SLC46A3: variants seen among roughly 807,000 people sequenced by gnomAD.
SLC46A3 encodes the protein solute carrier family 46 member 3.
Under a neutral mutation model 38.5 loss-of-function variants are expected in SLC46A3, and 26 were observed. The ratio of observed to expected loss-of-function variants is 0.68; its 90% CI spans 0.49 to 0.94. The LOEUF is 0.94. Among genes scored for constraint, SLC46A3 ranks in the 40% least tolerant of loss-of-function variants. SLC46A3 has a pLI of 0.00. For missense variants in SLC46A3, 510 were observed against 544.3 expected, an observed-to-expected ratio of 0.94 and a Z score of 0.63; for synonymous variants, 185 against 192.5, an observed-to-expected ratio of 0.96 and a Z score of 0.32.
At position 28,701,058 on chromosome 13, in the gene SLC46A3, G is replaced by A; in HGVS notation, c.*439C>T. The A allele has an allele frequency of 6.7e-7, 1 of 1,496,918 alleles. No individual in the cohort carries two copies. Among genetic ancestry groups the A allele is most frequent in the Non-Finnish European group, 8.9e-7 (1 of 1,121,472 alleles). 92.7% of individuals were successfully genotyped at this position (1,496,918 alleles called of 1,614,324 possible). A position where few individuals can be genotyped will look rare whatever the true frequency, so the allele number is the denominator to read the frequency against. ...AGTGATTCATCATAATTTTCATTAT[G>A]CCTTCAAAATTATCCCTGAGAGAGG... On this transcript the variant is annotated 3_prime_UTR_variant, in exon 6 of 6. Coordinates refer to ENST00000266943, the MANE Select transcript of SLC46A3 (RefSeq NM_181785.4).
Position 28,706,383 on chromosome 13 carries a change from G to A in SLC46A3, c.1145-2284C>T, listed in dbSNP as rs564714547. Among the ~76,000 whole-genome samples the A allele has an allele frequency of 5.9e-5, 9 of 152,218 alleles. No homozygotes were observed. The South Asian group carries it at 1.7e-3, about 28-fold the overall frequency. The stretch of plus-strand genomic sequence containing the variant: ...AATGGCCAATTTAAATAATAATGAA[G>A]GATGCGAATACATTTAGTTATAGAA... On this transcript the variant is annotated intron_variant, in intron 4 of 5. Transcript: ENST00000266943.
At chr13:28,707,574 A>C (rs566669688) in intron 4 of SLC46A3, among the ~76,000 whole-genome samples, 3 of 152,328 alleles carry the variant, frequency 2.0e-5, no homozygotes, top group East Asian at 3.9e-4. Context: ...AATTTTAAAA[A>C]GCCTTTATAA....
chr13:28,700,968 A>C lies in SLC46A3; in HGVS notation c.*529T>G. ...CAGCTTAACAGGCTCTATAAAATAA[A>C]GCATTACCAAGTATAGGTAAAATCA... is the stretch of plus-strand genomic sequence containing the variant. On this transcript the variant is annotated 3_prime_UTR_variant, in exon 6 of 6. Coordinates refer to ENST00000266943, the MANE Select transcript of SLC46A3 (RefSeq NM_181785.4). The C allele has an allele frequency of 2.0e-6, 3 of 1,531,654 alleles. No homozygotes were observed. The highest frequency in any genetic ancestry group is 2.7e-6 in the Non-Finnish European group (3 of 1,130,678). 94.9% of individuals were successfully genotyped at this position (1,531,654 alleles called of 1,614,324 possible).
chr13:28,708,754 C>T (rs1213243466), intron 4 of SLC46A3, among the ~76,000 whole-genome samples: 2 of 151,764 alleles, frequency 1.3e-5, no homozygotes, highest in African/African-American at 4.8e-5. Flanking sequence ...AGCCACTGCG[C>T]CTGGCCTCAC....
rs1311225596 is a variant in SLC46A3 at position 28,700,113 on chromosome 13, G to A, written c.*1384C>T. On this transcript the variant is annotated 3_prime_UTR_variant, in exon 6 of 6. Transcript: ENST00000266943. ...AACAAATATTTATTGAGGATATAAT[G>A]AGTAATCAAAGGTTGTCCCAGTACT... 1 of 152,134 alleles carries A rather than the reference G, an allele frequency of 6.6e-6. No homozygotes were observed. The highest frequency in any genetic ancestry group is 1.5e-5 in the Non-Finnish European group (1 of 68,036). The allele number at this position is 152,134 out of a possible 1,614,324, so 9.4% of individuals were successfully genotyped here.
intron 5 of SLC46A3, 35 bp from the exon 6 acceptor site, chr13:28,701,616 T>C (rs1263757396): frequency 3.8e-6 from 6 of 1,587,292 alleles, no homozygotes; most frequent in South Asian, 1.2e-5. Context: ...AAAGTTGAGA[T>C]TAAGACAATA....
rs1885017307 is a variant in SLC46A3, at chr13:28,701,463, A to G, written c.*34T>C. Reference sequence around the variant, plus strand: ...AGAAGTCATGGTATATGATATGTGCATTCATAGATTTTTTTTGTTTGTTTA... The same window carrying G: ...AGAAGTCATGGTATATGATATGTGCGTTCATAGATTTTTTTTGTTTGTTTA... On this transcript the variant is annotated 3_prime_UTR_variant, in exon 6 of 6. Transcript: ENST00000266943. 6.2e-7 allele frequency: 1 copy of G among 1,606,854 alleles called. No homozygotes were observed. The highest frequency in any genetic ancestry group is 1.3e-5 in the African/African-American group (1 of 74,494).
chr13:28,710,848 G>T lies in SLC46A3; in HGVS notation c.1061-5C>A. The T allele has an allele frequency of 6.2e-7, 1 of 1,609,252 alleles. No individual in the cohort carries two copies. The highest frequency in any genetic ancestry group is 1.7e-5 in the Admixed American group (1 of 59,438). The stretch of plus-strand genomic sequence containing the variant: ...TGAAAAGGAACGGCACCCTGGCTGT[G>T]AGAGAAAGGATTCAAAATCACTGGC... On this transcript the variant is annotated splice_region_variant and splice_polypyrimidine_tract_variant and intron_variant, in intron 3 of 5. Transcript: ENST00000266943.
intron 4 of SLC46A3, among the ~76,000 whole-genome samples, chr13:28,705,304 G>A (rs2137823662): frequency 6.6e-6 from 1 of 152,310 alleles, no homozygotes; most frequent in South Asian, 2.1e-4. Flanking sequence ...TGCTTGGACT[G>A]ATAGGAAGGA....
chr13:28,701,444 C>T lies in SLC46A3; in HGVS notation c.*53G>A, dbSNP rs898255681. 8.8e-6 allele frequency: 14 copies of T among 1,590,794 alleles called. No homozygotes were observed. The highest frequency in any genetic ancestry group is 1.2e-5 in the Non-Finnish European group (14 of 1,172,370). ...GAATTCATTTATAGTCTTCAGAAGT[C>T]ATGGTATATGATATGTGCATTCATA... On this transcript the variant is annotated 3_prime_UTR_variant, in exon 6 of 6. Transcript: ENST00000266943.
At chr13:28,715,844 TA>T (rs554638857) in intron 2 of SLC46A3, among the ~76,000 whole-genome samples, 29 of 151,790 alleles carry the variant, frequency 1.9e-4, no homozygotes, top group Non-Finnish European at 3.2e-4. Context: ...ATCTGTCAAT[TA>T]AAAAAATAAA....
At chr13:28,711,710 A>G (rs1885349302) in intron 3 of SLC46A3, among the ~76,000 whole-genome samples, 1 of 152,232 alleles carries the variant, frequency 6.6e-6, no homozygotes, top group Non-Finnish European at 1.5e-5. Context: ...TACATCATAA[A>G]ATAGTAAAAT....
intron 1 of SLC46A3, 27 bp from the exon 2 acceptor site, chr13:28,718,049 T>TC: frequency 6.4e-7 from 1 of 1,553,736 alleles, no homozygotes; most frequent in South Asian, 1.2e-5. Flanking sequence ...CGGAGAAAGA[T>TC]CATCTGTCTC....
intron 5 of SLC46A3, among the ~76,000 whole-genome samples, chr13:28,702,154 GT>G (rs35485959): frequency 0.01 from 1,558 of 150,858 alleles, 27 homozygotes; most frequent in African/African-American, 0.036. Context: ...AAAAAAATCT[GT>G]TTTTTTTTGG....
At chr13:28,705,012 C>T (rs1358884299) in intron 4 of SLC46A3, among the ~76,000 whole-genome samples, 1 of 152,222 alleles carries the variant, frequency 6.6e-6, no homozygotes, top group Non-Finnish European at 1.5e-5. Flanking sequence ...AAGACCATGT[C>T]AACTGAAGAG....
chr13:28,713,501 C>A lies in SLC46A3; in HGVS notation c.239G>T (p.Gly80Val). The change falls in exon 3 of 6, where the codon GGA becomes GTA. Residue 80 changes from glycine to valine, a missense_variant. Gly to Val is a moderately radical substitution (Grantham distance 109). Transcript: ENST00000266943. ...TGTAGACACTAGACCAGGAATTAATCCACTTATGTCCATCTGCAGATTAAA... is the reference window on the plus strand; with the variant it reads ...TGTAGACACTAGACCAGGAATTAATACACTTATGTCCATCTGCAGATTAAA... ...SRFNLQMDIS[G>V]LIPGLVSTFI... 2 of 1,610,342 alleles carry A rather than the reference C, an allele frequency of 1.2e-6. No individual in the cohort carries two copies. The highest frequency in any genetic ancestry group is 1.1e-5 in the South Asian group (1 of 90,772).
intron 5 of SLC46A3, among the ~76,000 whole-genome samples, chr13:28,702,058 CAT>C (rs1299842647): frequency 2.0e-5 from 3 of 152,100 alleles, no homozygotes. Flanking sequence ...AATTTATAAA[CAT>C]GTGAAGACTA....
intron 1 of SLC46A3, 27 bp from the exon 2 acceptor site, chr13:28,718,049 T>C: frequency 6.4e-7 from 1 of 1,553,736 alleles, no homozygotes; most frequent in Non-Finnish European, 8.8e-7. Context: ...CGGAGAAAGA[T>C]CATCTGTCTC....
intron 5 of SLC46A3, among the ~76,000 whole-genome samples, chr13:28,703,371 A>G (rs1363052172): frequency 1.3e-5 from 2 of 152,178 alleles, no homozygotes; most frequent in Non-Finnish European, 2.9e-5. Flanking sequence ...TACTCTGGGA[A>G]ATCATAGTTT....
Sources: allele counts gnomAD v4.1 joint callset (sites outside exome capture counted in the v4.1 genomes callset), GRCh38; gene constraint gnomAD v4.1.1; transcripts MANE v1.5; gene names NCBI Gene and HGNC (gene_info 2026-07-23, HGNC 2026-07-21).